The following CATIP variants were observed in gnomAD, a reference collection of about 807,000 sequenced individuals.
CATIP encodes the protein ciliogenesis-associated TTC17-interacting protein.
CATIP carries 40 observed loss-of-function variants against 42.5 expected under a neutral mutation model. The observed-to-expected ratio is 0.94, with a 90% CI of 0.73 to 1.22. The LOEUF is 1.22. CATIP is among the 50% of genes most tolerant of loss of function. The pLI is 0.00. For missense variants in CATIP, 489 were observed against 496.0 expected, an observed-to-expected ratio of 0.99 and a Z score of 0.13; for synonymous variants, 222 against 200.2, an observed-to-expected ratio of 1.11 and a Z score of -0.92.
intron 4 of CATIP, among the ~76,000 whole-genome samples, chr2:218,359,341 CAAAAAAAAAA>C (rs140677940): frequency 2.5e-5 from 2 of 79,712 alleles, no homozygotes; most frequent in African/African-American, 5.2e-5. Flanking sequence ...GACTCTGTCT[CAAAAAAAAAA>C]AAAAAAAAAA....
At chr2:218,358,768 C>T (rs1451384656) in intron 4 of CATIP, among the ~76,000 whole-genome samples, 1 of 151,260 alleles carries the variant, frequency 6.6e-6, no homozygotes, top group Non-Finnish European at 1.5e-5. Flanking sequence ...TCTGTAGTCC[C>T]AGCTACTTGG....
chr2:218,367,616 G>T, intron 9 of CATIP, 98 bp downstream of exon 9: 1 of 1,600,042 alleles, frequency 6.2e-7, no homozygotes. Context: ...ACCCGTAGGG[G>T]CTAGAAGGCT....
At chr2:218,359,476 G>C (rs767409255) in intron 4 of CATIP, among the ~76,000 whole-genome samples, 16 of 152,268 alleles carry the variant, frequency 1.1e-4, no homozygotes, top group Middle Eastern at 6.8e-3. Context: ...CTGGGGCTGG[G>C]TGTGAGGGGC....
At chr2:218,364,540 A>T in intron 6 of CATIP, 88 bp from the exon 7 acceptor site, 1 of 1,527,844 alleles carries the variant, frequency 6.5e-7, no homozygotes, top group South Asian at 1.2e-5. Context: ...GGTTGTTATG[A>T]GATGGAGAAA....
chr2:218,363,733 C>G (rs537824996), intron 6 of CATIP, among the ~76,000 whole-genome samples: 2 of 152,128 alleles, frequency 1.3e-5, no homozygotes, highest in Non-Finnish European at 2.9e-5. Context: ...CACTTGAACC[C>G]AGGAGGCGGA....
chr2:218,363,758 G>A (rs1695325501), intron 6 of CATIP, among the ~76,000 whole-genome samples: 1 of 152,118 alleles, frequency 6.6e-6, no homozygotes, highest in Non-Finnish European at 1.5e-5. Context: ...GCAGTGAGCT[G>A]AGATCGCACA....
intron 2 of CATIP, 92 bp downstream of exon 2, chr2:218,357,279 C>CTG: frequency 1.1e-6 from 1 of 872,058 alleles, no homozygotes; most frequent in Non-Finnish European, 1.8e-6. Flanking sequence ...CTCTCTCTCT[C>CTG]TCTCTCTCTC....
At chr2:218,357,259 G>GTCTCTCTCTCTCCCTCTCTCTC (rs1695052588) in intron 2 of CATIP, 72 bp downstream of exon 2, 1 of 530,750 alleles carries the variant, frequency 1.9e-6, no homozygotes, top group Non-Finnish European at 3.2e-6. Context: ...AGAAAGTCCA[G>GTCTCTCTCTCTCCCTCTCTCTC]TCTCTCTCTC....
In CATIP at chr2:218,367,812, C is replaced by A; in HGVS notation, c.1012C>A (p.Arg338Ser). The change falls in exon 10 of 10, where the codon CGC becomes AGC. Residue 338 changes from arginine to serine, a missense_variant. Coordinates refer to ENST00000289388, the MANE Select transcript of CATIP (RefSeq NM_198559.2). ...CGACTTCCTGCTCTTCCTGCTGCTG[C>A]GCCAGCCGGAGGACGTGGTCACCTT... ...ISDFLLFLLL[R>S]QPEDVVTFAA... is the part of the protein sequence containing the mutation. The A allele has an allele frequency of 6.2e-7, 1 of 1,612,944 alleles. No homozygotes were observed.
chr2:218,357,534 A>G lies in CATIP; in HGVS notation c.119A>G (p.His40Arg), dbSNP rs754628518. 2.5e-6 allele frequency: 4 copies of G among 1,613,412 alleles called. No individual in the cohort carries two copies. The highest frequency in any genetic ancestry group is 3.4e-6 in the Non-Finnish European group (4 of 1,179,874). The change falls in exon 3 of 10, where the codon CAC (histidine) becomes CGC (arginine). Residue 40 changes from histidine to arginine, a missense_variant and splice_region_variant. Physicochemically the swap from His to Arg is conservative, Grantham distance 29. Coordinates refer to ENST00000289388, the MANE Select transcript of CATIP (RefSeq NM_198559.2). ...TGTTCCCACGGGCCCCTCACCCCAG[A>G]CAAGGAGGAGCTACAGATGCTGTTC... ...AEAIDFLSSL[H>R]KEELQMLFFS...
In CATIP at chr2:218,367,706, C is replaced by T. The variant is rs201823603; in HGVS notation, c.922-16C>T. On this transcript the variant is annotated splice_polypyrimidine_tract_variant and intron_variant, in intron 9 of 9. Coordinates refer to ENST00000289388, the MANE Select transcript of CATIP (RefSeq NM_198559.2). ...GGGTCCCGTCCGGCTGAGGCTCGGG[C>T]TCTGTCCCCTGCCAGGAGGAGCTCC... The T allele has an allele frequency of 7.4e-5, 118 of 1,585,352 alleles. No individual in the cohort carries two copies. The East Asian group carries it at 2.7e-3, about 36-fold the overall frequency.
intron 5 of CATIP, 21 bp from the exon 6 acceptor site, chr2:218,362,714 A>C (rs753686977): frequency 3.1e-6 from 5 of 1,610,452 alleles, no homozygotes; most frequent in Non-Finnish European, 4.2e-6. Context: ...CAGGACCCTG[A>C]CCCAGATCAG....
At chr2:218,365,130 C>T (rs759616112) in intron 7 of CATIP, among the ~76,000 whole-genome samples, 2 of 152,126 alleles carry the variant, frequency 1.3e-5, no homozygotes, top group African/African-American at 2.4e-5. Context: ...TAAGAAAATT[C>T]AGGGCTGGGC....
rs569121388 is a variant in CATIP, at chr2:218,363,508, A to C, written c.630+606A>C. Among the ~76,000 whole-genome samples, 711 of 150,778 alleles carry C rather than the reference A, an allele frequency of 4.7e-3. 6 individuals carry two copies. Among genetic ancestry groups the C allele is most frequent in the African/African-American group, 0.016 (671 of 40,928 alleles). Reference sequence around the variant, plus strand: ...CTCAAAAAAAAAAAACAAAAAAAAAAAAACGTCATTTTGGCCAGGCGCAGT... The same window carrying C: ...CTCAAAAAAAAAAAACAAAAAAAAACAAACGTCATTTTGGCCAGGCGCAGT... On this transcript the variant is annotated intron_variant, in intron 6 of 9. Transcript: ENST00000289388.
chr2:218,368,028 C>A lies in CATIP; in HGVS notation c.*64C>A. On this transcript the variant is annotated 3_prime_UTR_variant, in exon 10 of 10. Coordinates refer to ENST00000289388, the MANE Select transcript of CATIP (RefSeq NM_198559.2). ...CGGGCTGGGACGCGGGCGGGACGCG[C>A]CGGGGCGGGTGCGCTTTCCGGGCTG... 4 of 1,442,486 alleles carry A rather than the reference C, an allele frequency of 2.8e-6. No homozygotes were observed. The highest frequency in any genetic ancestry group is 2.8e-5 in the South Asian group (2 of 70,184). The allele number at this position is 1,442,486 out of a possible 1,614,324, so 89.4% of individuals were successfully genotyped here.
rs773670325 is a variant in CATIP, at chr2:218,367,532, C to T, written c.921+14C>T. 1.2e-6 allele frequency: 2 copies of T among 1,613,550 alleles called. No homozygotes were observed. The highest frequency in any genetic ancestry group is 1.1e-5 in the South Asian group (1 of 91,078). On this transcript the variant is annotated intron_variant, in intron 9 of 9. Coordinates refer to ENST00000289388, the MANE Select transcript of CATIP (RefSeq NM_198559.2). ...CTGGACCGGAAGGTGAGGGGAGGCT[C>T]CACCAGCCTGGGGTTCCCATTCCCC...
rs1027975754 is a variant in CATIP at position 218,367,245 on chromosome 2, C to A, written c.832+145C>A. The A allele has an allele frequency of 2.3e-5, 18 of 767,904 alleles. No homozygotes were observed. In the Admixed American group the frequency reaches 4.4e-4, roughly 19 times the overall value. The allele number at this position is 767,904 out of a possible 1,614,324, so 47.6% of individuals were successfully genotyped here. A position where few individuals can be genotyped will look rare whatever the true frequency, so the allele number is the denominator to read the frequency against. ...CAGCTGGAGAACATCTGCCCTCCAG[C>A]CCCTGACCCCAAGCAATAAGAGGAG... On this transcript the variant is annotated intron_variant, in intron 8 of 9. Transcript: ENST00000289388.
rs1574746108 is a variant in CATIP, at chr2:218,367,048, G to A, written c.780G>A (p.Val260=). ...GGCACCTGGCCAAGAGAATACAGGTGGGCTCCCCAGGGTGCTGCATCATCA... is the reference window on the plus strand; with the variant it reads ...GGCACCTGGCCAAGAGAATACAGGTAGGCTCCCCAGGGTGCTGCATCATCA... ...SDGHLAKRIQ[V]GSPGCCIITK... is the part of the protein sequence containing the mutation. The change falls in exon 8 of 10, where the codon GTG becomes GTA. Residue 260 remains valine, a synonymous_variant. Coordinates refer to ENST00000289388, the MANE Select transcript of CATIP (RefSeq NM_198559.2). 6.2e-7 allele frequency: 1 copy of A among 1,613,852 alleles called. No homozygotes were observed. The highest frequency in any genetic ancestry group is 2.2e-5 in the East Asian group (1 of 44,876).
rs1371254147 is a variant in CATIP, at chr2:218,367,599, A to C, written c.921+81A>C. On this transcript the variant is annotated intron_variant, in intron 9 of 9. Coordinates refer to ENST00000289388, the MANE Select transcript of CATIP (RefSeq NM_198559.2). ...ATTACTGATCTCTGCACCTGATTGA[A>C]ATGCACACCCGTAGGGGCTAGAAGG... 4.4e-6 allele frequency: 7 copies of C among 1,603,918 alleles called. No homozygotes were observed. The Admixed American group carries it at 5.0e-5, about 12-fold the overall frequency.
Sources: gnomAD v4.1 joint callset for allele counts (sites outside exome capture counted in the v4.1 genomes callset) on GRCh38, gnomAD v4.1.1 for gene constraint, MANE v1.5 for transcripts, NCBI Gene and HGNC (gene_info 2026-07-23, HGNC 2026-07-21) for gene names.